Variants in MINDY2 observed in about 807,000 individuals in gnomAD.
The protein encoded by MINDY2 is ubiquitin carboxyl-terminal hydrolase MINDY-2.
Under a neutral mutation model 68.2 loss-of-function variants are expected in MINDY2, and 52 were observed. That is an observed-to-expected ratio of 0.76 (90% CI 0.61 to 0.96). The LOEUF is 0.96. Ranked by LOEUF, MINDY2 falls within the 40% of genes least tolerant of loss-of-function variation. MINDY2 has a pLI of 0.00. For synonymous variants in MINDY2, 372 were observed against 303.0 expected, an observed-to-expected ratio of 1.23 and a Z score of -2.36; for missense variants, 881 against 773.4, an observed-to-expected ratio of 1.14 and a Z score of -1.65.
intron 2 of MINDY2, among the ~76,000 whole-genome samples, chr15:58,795,178 A>AAAAAT (rs1555429288): frequency 1.3e-5 from 2 of 149,892 alleles, no homozygotes; most frequent in African/African-American, 4.9e-5. Flanking sequence ...TCGTCTCCAA[A>AAAAAT]AAATAAATAA....
chr15:58,852,972 A>ATTTTTTTTTTTTTTTTTTGTTTTTTTT (rs1567079858), intron 8 of MINDY2, among the ~76,000 whole-genome samples: 1 of 17,240 alleles, frequency 5.8e-5, no homozygotes, highest in African/African-American at 1.3e-4. Flanking sequence ...TTTTTTTTTA[A>ATTTTTTTTTTTTTTTTTTGTTTTTTTT]GACAGAGTCT....
intron 2 of MINDY2, among the ~76,000 whole-genome samples, chr15:58,799,975 A>G (rs1254964016): frequency 6.6e-6 from 1 of 152,242 alleles, no homozygotes; most frequent in Non-Finnish European, 1.5e-5. Context: ...GCGCATAGTT[A>G]AGAAAAATAA....
intron 2 of MINDY2, among the ~76,000 whole-genome samples, chr15:58,795,402 A>C (rs78268932): frequency 0.15 from 22,649 of 151,406 alleles, 2,001 homozygotes; most frequent in East Asian, 0.44. Flanking sequence ...AGTATGTGTT[A>C]TTTTGTTTTG....
rs1291883290 is a variant in MINDY2 at position 58,778,923 on chromosome 15, G to A, written c.840+6688G>A. 8.7e-5 allele frequency among the ~76,000 whole-genome samples: 13 copies of A among 149,078 alleles called. No individual in the cohort carries two copies. In the East Asian group the frequency reaches 1.4e-3, roughly 16 times the overall value. ...TGCCTCCTGGGTTCATGCAGTTTCC[G>A]GCTAATTTTTGTATTTTTAGTAGAG... On this transcript the variant is annotated intron_variant, in intron 1 of 8. Coordinates refer to ENST00000559228, the MANE Select transcript of MINDY2 (RefSeq NM_001040450.3).
rs2031063122 is a variant in MINDY2 at position 58,821,575 on chromosome 15, T to C, written c.1123-142T>C. 13 of 344,726 alleles carry C rather than the reference T, an allele frequency of 3.8e-5. No individual in the cohort carries two copies. In the South Asian group the frequency reaches 9.0e-4, roughly 24 times the overall value. The allele number at this position is 344,726 out of a possible 1,614,324, so 21.4% of individuals were successfully genotyped here. A position where few individuals can be genotyped will look rare whatever the true frequency, so the allele number is the denominator to read the frequency against. On this transcript the variant is annotated intron_variant, in intron 4 of 8. Transcript: ENST00000559228. ...AAACTTGGAAACTGTTGGGTGTTGA[T>C]TTTAGTGCTGATTTTGTTTTTCGTA...
rs193237472 is a variant in MINDY2, at chr15:58,826,036, T to A, written c.1225+4217T>A. On this transcript the variant is annotated intron_variant, in intron 5 of 8. Coordinates refer to ENST00000559228, the MANE Select transcript of MINDY2 (RefSeq NM_001040450.3). ...TGCCATAGACACTGAACATTATAGT[T>A]TGGCTTATTATTATTTTTATTAAAT... Among the ~76,000 whole-genome samples the A allele has an allele frequency of 4.9e-3, 750 of 152,282 alleles. 7 individuals carry two copies. Among genetic ancestry groups the A allele is most frequent in the South Asian group, 0.027 (130 of 4,828 alleles).
chr15:58,787,269 C>T (rs1043723922), intron 1 of MINDY2, among the ~76,000 whole-genome samples: 130 of 148,308 alleles, frequency 8.8e-4, no homozygotes, highest in African/African-American at 2.9e-3. Context: ...GTTGGGATTA[C>T]AGGCAGGAGC....
At chr15:58,843,987 A>T (rs2141050177) in intron 6 of MINDY2, among the ~76,000 whole-genome samples, 2 of 149,070 alleles carry the variant, frequency 1.3e-5, no homozygotes, top group Admixed American at 1.3e-4. Flanking sequence ...CACAATTAAG[A>T]ATTTAATGCA....
rs563066448 is a variant in MINDY2 at position 58,785,681 on chromosome 15, A to G, written c.841-2225A>G. 2.6e-5 allele frequency among the ~76,000 whole-genome samples: 4 copies of G among 152,140 alleles called. No homozygotes were observed. The South Asian group carries it at 6.2e-4, about 24-fold the overall frequency. On this transcript the variant is annotated intron_variant, in intron 1 of 8. Coordinates refer to ENST00000559228, the MANE Select transcript of MINDY2 (RefSeq NM_001040450.3). ...TAAAACTGCTTTAAAAAAATAATCT[A>G]TCGAATTTTTTTTTAAACAGAGTCT...
rs866248023 is a variant in MINDY2 at position 58,847,363 on chromosome 15, C to T, written c.1435C>T (p.Leu479=). 1 of 1,606,958 alleles carries T rather than the reference C, an allele frequency of 6.2e-7. No individual in the cohort carries two copies. Residue 479 remains leucine, a synonymous_variant, in exon 7 of 9, where the codon CTA becomes TTA. Coordinates refer to ENST00000559228, the MANE Select transcript of MINDY2 (RefSeq NM_001040450.3). ...TGAAGAGAAAGTTGTTTGGGAAAGC[C>T]TACACAACGTAGATGGTGATGGAAA... ...LTEEKVVWES[L]HNVDGDGNFC... is the part of the protein sequence containing the mutation.
At chr15:58,845,143 C>T (rs973256271) in intron 6 of MINDY2, among the ~76,000 whole-genome samples, 1 of 151,734 alleles carries the variant, frequency 6.6e-6, no homozygotes, top group Non-Finnish European at 1.5e-5. Context: ...TGGTGGCTCA[C>T]ACCTGTAATC....
chr15:58,802,894 T>C (rs1370819887), intron 3 of MINDY2, among the ~76,000 whole-genome samples: 1 of 152,196 alleles, frequency 6.6e-6, no homozygotes, highest in Non-Finnish European at 1.5e-5. Context: ...GGCTTAAAAT[T>C]ATTGGTGCTG....
chr15:58,831,039 G>GTATATATATATATATATATATA (rs1247362730), intron 5 of MINDY2, among the ~76,000 whole-genome samples: 1 of 109,572 alleles, frequency 9.1e-6, no homozygotes, highest in African/African-American at 4.0e-5. Context: ...GTGTGTGTGT[G>GTATATATATATATATATATATA]TGTATATATA....
intron 3 of MINDY2, among the ~76,000 whole-genome samples, chr15:58,808,551 A>C (rs1595734796): frequency 6.6e-6 from 1 of 150,896 alleles, no homozygotes; most frequent in African/African-American, 2.4e-5. Flanking sequence ...GCTCATCTCT[A>C]TTTTTTTTAA....
At chr15:58,825,818 C>G (rs761199933) in intron 5 of MINDY2, among the ~76,000 whole-genome samples, 2 of 152,148 alleles carry the variant, frequency 1.3e-5, no homozygotes, top group African/African-American at 2.4e-5. Context: ...GTTGCCCAGG[C>G]TGGTCTCAAA....
intron 8 of MINDY2, among the ~76,000 whole-genome samples, chr15:58,852,459 G>A (rs1171167988): frequency 3.9e-5 from 6 of 152,080 alleles, no homozygotes; most frequent in African/African-American, 1.4e-4. Context: ...CTGAGGTTCT[G>A]ATTTTCAAAT....
chr15:58,818,797 G>A (rs2030870862), intron 4 of MINDY2, among the ~76,000 whole-genome samples: 2 of 151,180 alleles, frequency 1.3e-5, no homozygotes, highest in East Asian at 1.9e-4. Flanking sequence ...CCACCACCAC[G>A]CCTGGCTAAT....
rs774312337 is a variant in MINDY2, at chr15:58,854,513, G to A, written c.1769G>A (p.Ser590Asn). ...CAGCCAGCACAAGCCTCTCCATCAA[G>A]TGGAAGACAATCTGGGAATAGTGAA... ...QGQPAQASPS[S>N]GRQSGNSERK... Residue 590 changes from serine (S) to asparagine (N), a missense_variant, in exon 9 of 9, where the codon AGT (serine) becomes AAT (asparagine). Physicochemically the swap from Ser to Asn is conservative, Grantham distance 46. Transcript: ENST00000559228. 6.2e-7 allele frequency: 1 copy of A among 1,613,756 alleles called. No individual in the cohort carries two copies. Among genetic ancestry groups the A allele is most frequent in the South Asian group, 1.1e-5 (1 of 91,012 alleles).
intron 1 of MINDY2, among the ~76,000 whole-genome samples, chr15:58,778,958 C>T (rs574901636): frequency 6.6e-6 from 1 of 151,774 alleles, no homozygotes. Context: ...GATAGGGTTT[C>T]AGCATGTTGG....
Sources: allele counts gnomAD v4.1 joint callset (sites outside exome capture counted in the v4.1 genomes callset), GRCh38; gene constraint gnomAD v4.1.1; transcripts MANE v1.5; gene names NCBI Gene and HGNC (gene_info 2026-07-23, HGNC 2026-07-21).